Variants in FAM168A observed in about 807,000 individuals in gnomAD.
FAM168A encodes the protein family with sequence similarity 168 member A, also known as protein FAM168A.
Under a neutral mutation model 28.5 loss-of-function variants are expected in FAM168A, and 3 were observed. That is an observed-to-expected ratio of 0.11 (90% CI 0.05 to 0.27). The LOEUF is 0.27. Ranked by LOEUF, FAM168A falls within the 10% of genes least tolerant of loss-of-function variation. The pLI is 1.00. For missense variants in FAM168A, 222 were observed against 311.5 expected (o/e 0.71, Z 2.16); for synonymous variants, 122 against 124.2 (o/e 0.98, Z 0.12).
intron 1 of FAM168A, among the ~76,000 whole-genome samples, chr11:73,530,781 C>T (rs1943506190): frequency 1.3e-5 from 2 of 152,046 alleles, no homozygotes; most frequent in African/African-American, 4.8e-5. Flanking sequence ...CAACTGGATC[C>T]TGACTAAGTA....
At chr11:73,448,644 G>A (rs1249141526) in intron 2 of FAM168A, among the ~76,000 whole-genome samples, 2 of 152,176 alleles carry the variant, frequency 1.3e-5, no homozygotes, top group African/African-American at 4.8e-5. Flanking sequence ...TGACCAATGA[G>A]ATGTACACAG....
At chr11:73,467,700 A>C (rs1047005329) in intron 2 of FAM168A, among the ~76,000 whole-genome samples, 1 of 152,210 alleles carries the variant, frequency 6.6e-6, no homozygotes, top group Non-Finnish European at 1.5e-5. Flanking sequence ...CTGCCAAAGC[A>C]GTTCAGTTCC....
intron 1 of FAM168A, among the ~76,000 whole-genome samples, chr11:73,469,159 T>C (rs1307447983): frequency 6.6e-6 from 1 of 152,218 alleles, no homozygotes; most frequent in African/African-American, 2.4e-5. Flanking sequence ...CTTGGAAATT[T>C]GTGTGCAATA....
At chr11:73,512,380 T>C (rs535776360) in intron 1 of FAM168A, among the ~76,000 whole-genome samples, 34 of 152,072 alleles carry the variant, frequency 2.2e-4, no homozygotes, top group African/African-American at 8.2e-4. Flanking sequence ...AGAATGTAGA[T>C]TATTGGTTGT....
At chr11:73,459,641 A>G (rs577595635) in intron 2 of FAM168A, among the ~76,000 whole-genome samples, 24 of 152,324 alleles carry the variant, frequency 1.6e-4, no homozygotes, top group African/African-American at 5.1e-4. Flanking sequence ...CATAGGTAAT[A>G]TAAGAGGTTT....
intron 1 of FAM168A, among the ~76,000 whole-genome samples, chr11:73,592,887 G>T (rs1451941080): frequency 2.7e-5 from 4 of 147,720 alleles, no homozygotes; most frequent in Non-Finnish European, 6.0e-5. Flanking sequence ...AAAAAAAAAA[G>T]TGTTACTGGG....
intron 6 of FAM168A, among the ~76,000 whole-genome samples, chr11:73,407,993 T>C (rs1002727886): frequency 1.3e-4 from 20 of 152,222 alleles, no homozygotes; most frequent in African/African-American, 4.8e-4. Context: ...CGCGTCAGCC[T>C]CCTGGGCAGC....
intron 4 of FAM168A, among the ~76,000 whole-genome samples, chr11:73,412,769 T>C (rs1414706165): frequency 6.6e-6 from 1 of 152,224 alleles, no homozygotes; most frequent in Non-Finnish European, 1.5e-5. Flanking sequence ...TGTGGTTCCA[T>C]CTTGGGTAAG....
In FAM168A at chr11:73,469,240, T is replaced by C. The variant is rs138520875; in HGVS notation, c.-18-748A>G. The stretch of plus-strand genomic sequence containing the variant: ...ATTCTCCATTCTGATTAATGGAAAA[T>C]CTGTCATTAAGCTCTATTAGCCAGC... On this transcript the variant is annotated intron_variant, in intron 1 of 7. Transcript: ENST00000356467. Among the ~76,000 whole-genome samples the C allele has an allele frequency of 1.2e-4, 19 of 152,294 alleles. No homozygotes were observed. In the East Asian group the frequency reaches 3.1e-3, roughly 25 times the overall value.
At chr11:73,510,355 G>A (rs1268769222) in intron 1 of FAM168A, among the ~76,000 whole-genome samples, 1 of 152,162 alleles carries the variant, frequency 6.6e-6, no homozygotes, top group Admixed American at 6.5e-5. Context: ...GTGACCTTAT[G>A]TGAGTAGAAA....
At chr11:73,427,214 A>G (rs761964031) in intron 3 of FAM168A, among the ~76,000 whole-genome samples, 1 of 151,880 alleles carries the variant, frequency 6.6e-6, no homozygotes, top group Admixed American at 6.6e-5. Flanking sequence ...GATGGTCTCT[A>G]TCTCCTGACC....
intron 1 of FAM168A, among the ~76,000 whole-genome samples, chr11:73,578,723 A>T (rs1443250293): frequency 6.6e-6 from 1 of 152,248 alleles, no homozygotes; most frequent in Admixed American, 6.5e-5. Flanking sequence ...TTTCCATACA[A>T]ATGAAATGTT....
intron 1 of FAM168A, among the ~76,000 whole-genome samples, chr11:73,535,717 C>T (rs1330190186): frequency 8.1e-6 from 1 of 123,416 alleles, no homozygotes; most frequent in Admixed American, 1.0e-4. Context: ...CCGCACCTCA[C>T]CCTTCTTTTT....
intron 2 of FAM168A, among the ~76,000 whole-genome samples, chr11:73,443,938 A>G (rs901490146): frequency 6.6e-6 from 1 of 152,166 alleles, no homozygotes; most frequent in Non-Finnish European, 1.5e-5. Context: ...AGCAAGCCCT[A>G]AACTTACTTC....
At chr11:73,484,638 C>T (rs145615045) in intron 1 of FAM168A, among the ~76,000 whole-genome samples, 1 of 136,636 alleles carries the variant, frequency 7.3e-6, no homozygotes, top group Admixed American at 7.3e-5. Flanking sequence ...ATATCTATAT[C>T]GATATCTATC....
chr11:73,508,510 G>A (rs193120588), intron 1 of FAM168A, among the ~76,000 whole-genome samples: 69 of 152,226 alleles, frequency 4.5e-4, no homozygotes, highest in African/African-American at 1.3e-3. Flanking sequence ...AAATTGCTAC[G>A]TCTCCTACTT....
intron 1 of FAM168A, among the ~76,000 whole-genome samples, chr11:73,473,982 G>A (rs1867852122): frequency 1.3e-5 from 2 of 151,844 alleles, no homozygotes; most frequent in African/African-American, 4.8e-5. Flanking sequence ...ACTAATTTTT[G>A]TATTTTTAGT....
rs1241738408 is a variant in FAM168A at position 73,404,824 on chromosome 11, G to A, written c.*1939C>T. 6.6e-6 allele frequency: 1 copy of A among 152,220 alleles called. No individual in the cohort carries two copies. The highest frequency in any genetic ancestry group is 2.4e-5 in the African/African-American group (1 of 41,450). The allele number at this position is 152,220 out of a possible 1,614,324, so 9.4% of individuals were successfully genotyped here. A position where few individuals can be genotyped will look rare whatever the true frequency, so the allele number is the denominator to read the frequency against. On this transcript the variant is annotated 3_prime_UTR_variant, in exon 8 of 8. Transcript: ENST00000356467. ...GGGAGACATGGGAGGTTGGGGTAAG[G>A]ATATGTCCAAGTTTGCATGAATTTT...
chr11:73,512,490 T>C (rs1855244425), intron 1 of FAM168A, among the ~76,000 whole-genome samples: 1 of 152,008 alleles, frequency 6.6e-6, no homozygotes, highest in Non-Finnish European at 1.5e-5. Flanking sequence ...AGATGTGATA[T>C]TTGCACAAGT....
Sources: gnomAD v4.1 joint callset for allele counts (sites outside exome capture counted in the v4.1 genomes callset) on GRCh38, gnomAD v4.1.1 for gene constraint, MANE v1.5 for transcripts, NCBI Gene and HGNC (gene_info 2026-07-23, HGNC 2026-07-21) for gene names.